DYNC1I1: variants seen among roughly 807,000 people sequenced by gnomAD.
The protein encoded by DYNC1I1 is dynein cytoplasmic 1 intermediate chain 1, also known as cytoplasmic dynein 1 intermediate chain 1.
DYNC1I1 carries 43 observed loss-of-function variants against 86.6 expected under a neutral mutation model. That is an observed-to-expected ratio of 0.50 (90% CI 0.39 to 0.64). The LOEUF is 0.64. DYNC1I1 is among the 30% of genes least tolerant of loss of function. DYNC1I1 has a pLI of 0.00. For synonymous variants in DYNC1I1, 262 were observed against 283.7 expected (o/e 0.92, Z 0.77); for missense variants, 604 against 788.8 (o/e 0.77, Z 2.81).
At chr7:96,072,583 T>C (rs1319806780) in intron 14 of DYNC1I1, among the ~76,000 whole-genome samples, 1 of 152,196 alleles carries the variant, frequency 6.6e-6, no homozygotes, top group Non-Finnish European at 1.5e-5. Context: ...ACAAATAGTA[T>C]TATAAGATTC....
chr7:96,028,029 A>G (rs1794722059), intron 10 of DYNC1I1, 146 bp from the exon 11 acceptor site: 1 of 1,161,436 alleles, frequency 8.6e-7, no homozygotes, highest in Non-Finnish European at 1.2e-6. Context: ...CTTAGTAACT[A>G]TGCACTTTTA....
chr7:96,021,406 T>C (rs1252422178), intron 10 of DYNC1I1, among the ~76,000 whole-genome samples: 1 of 152,086 alleles, frequency 6.6e-6, no homozygotes, highest in African/African-American at 2.4e-5. Context: ...AAATAGTTGT[T>C]TGAGGAAAGA....
chr7:96,091,482 T>C (rs1023395742), intron 16 of DYNC1I1, among the ~76,000 whole-genome samples: 7 of 152,178 alleles, frequency 4.6e-5, no homozygotes, highest in African/African-American at 1.7e-4. Context: ...ACTCACTTAA[T>C]GTCTTGGCCA....
chr7:95,981,073 A>C lies in DYNC1I1; in HGVS notation c.580+3472A>C, dbSNP rs1345339914. The stretch of plus-strand genomic sequence containing the variant: ...TTGAATAATTTTTATATTGAAATTT[A>C]AAGCAGCATCACTGAAACAAGTCAG... On this transcript the variant is annotated intron_variant, in intron 7 of 16. Coordinates refer to ENST00000447467, the MANE Select transcript of DYNC1I1 (RefSeq NM_001135556.2). Among the ~76,000 whole-genome samples the C allele has an allele frequency of 2.6e-5, 4 of 152,298 alleles. No homozygotes were observed. The East Asian group carries it at 7.7e-4, about 29-fold the overall frequency.
At chr7:95,921,558 C>T (rs1412522691) in intron 6 of DYNC1I1, among the ~76,000 whole-genome samples, 1 of 152,176 alleles carries the variant, frequency 6.6e-6, no homozygotes, top group Non-Finnish European at 1.5e-5. Context: ...GCTTCATCAT[C>T]AAAACTCCTT....
intron 6 of DYNC1I1, among the ~76,000 whole-genome samples, chr7:95,888,215 T>C (rs1045548541): frequency 6.6e-6 from 1 of 152,150 alleles, no homozygotes; most frequent in Non-Finnish European, 1.5e-5. Context: ...GGTGGGCAGA[T>C]TGCTTGAGCC....
chr7:95,824,615 A>C (rs559174358), intron 4 of DYNC1I1, among the ~76,000 whole-genome samples: 6 of 152,368 alleles, frequency 3.9e-5, no homozygotes, highest in Non-Finnish European at 7.3e-5. Flanking sequence ...TAACTGGAGA[A>C]GAGAAAGCTA....
At chr7:95,999,329 T>C (rs1793953965) in intron 10 of DYNC1I1, among the ~76,000 whole-genome samples, 1 of 152,206 alleles carries the variant, frequency 6.6e-6, no homozygotes. Context: ...GGTCAGAGGT[T>C]TTTATTTTTA....
chr7:96,079,004 C>G (rs1790429697), intron 15 of DYNC1I1, among the ~76,000 whole-genome samples: 1 of 150,860 alleles, frequency 6.6e-6, no homozygotes, highest in African/African-American at 2.4e-5. Context: ...AATAAATGAG[C>G]CGGGGACTTT....
chr7:96,039,073 G>GT (rs1302193359), intron 13 of DYNC1I1, among the ~76,000 whole-genome samples: 2 of 152,090 alleles, frequency 1.3e-5, no homozygotes, highest in Non-Finnish European at 2.9e-5. Flanking sequence ...GCCCTACATT[G>GT]TTTTTAAATA....
At chr7:95,938,257 G>A (rs557469018) in intron 6 of DYNC1I1, among the ~76,000 whole-genome samples, 18 of 152,230 alleles carry the variant, frequency 1.2e-4, no homozygotes, top group African/African-American at 4.3e-4. Flanking sequence ...ACTTTATTTA[G>A]CAGGCTAATC....
intron 5 of DYNC1I1, among the ~76,000 whole-genome samples, chr7:95,842,956 G>A (rs202104792): frequency 6.6e-6 from 1 of 152,056 alleles, no homozygotes; most frequent in Non-Finnish European, 1.5e-5. Context: ...CTGAGATATA[G>A]TAAATTAACT....
chr7:96,033,084 T>C (rs1176867019), intron 12 of DYNC1I1, among the ~76,000 whole-genome samples: 1 of 152,244 alleles, frequency 6.6e-6, no homozygotes, highest in East Asian at 1.9e-4. Flanking sequence ...GCACTTACCC[T>C]ACAGCATTGT....
At chr7:95,990,969 C>T (rs1180824546) in intron 9 of DYNC1I1, among the ~76,000 whole-genome samples, 1 of 151,936 alleles carries the variant, frequency 6.6e-6, no homozygotes, top group East Asian at 1.9e-4. Context: ...GCAGAGGTTG[C>T]AGTGAGCTAA....
intron 6 of DYNC1I1, among the ~76,000 whole-genome samples, chr7:95,894,583 G>A (rs1249093358): frequency 1.3e-5 from 2 of 152,128 alleles, no homozygotes; most frequent in Non-Finnish European, 2.9e-5. Context: ...GTTAGTAATA[G>A]GTTGGTGCAA....
chr7:95,887,584 T>G (rs1790627345), intron 6 of DYNC1I1, among the ~76,000 whole-genome samples: 1 of 152,218 alleles, frequency 6.6e-6, no homozygotes, highest in Non-Finnish European at 1.5e-5. Context: ...CTACCTCCTC[T>G]CACCCTTCTC....
intron 1 of DYNC1I1, among the ~76,000 whole-genome samples, chr7:95,774,984 C>G (rs376741433): frequency 1.3e-5 from 2 of 152,202 alleles, no homozygotes; most frequent in African/African-American, 2.4e-5. Context: ...ACTTTATTCT[C>G]CCTACACTTG....
chr7:95,973,297 G>T (rs1181870009), intron 6 of DYNC1I1, among the ~76,000 whole-genome samples: 1 of 152,122 alleles, frequency 6.6e-6, no homozygotes, highest in Non-Finnish European at 1.5e-5. Context: ...AGTATGCAGA[G>T]AAACAAACCA....
chr7:96,086,727 G>A (rs1273382816), intron 16 of DYNC1I1, among the ~76,000 whole-genome samples: 2 of 152,162 alleles, frequency 1.3e-5, no homozygotes, highest in South Asian at 2.1e-4. Flanking sequence ...GGGTTAACAT[G>A]AGAGATCAAA....
Sources: allele counts gnomAD v4.1 joint callset (sites outside exome capture counted in the v4.1 genomes callset), GRCh38; gene constraint gnomAD v4.1.1; transcripts MANE v1.5; gene names NCBI Gene and HGNC (gene_info 2026-07-23, HGNC 2026-07-21).